The following NRCAM variants were observed in gnomAD, a reference collection of about 807,000 sequenced individuals.
The protein encoded by NRCAM is neuronal cell adhesion molecule.
In NRCAM, 83 loss-of-function variants were observed where a neutral mutation model predicts 156.5. The observed-to-expected ratio is 0.53, with a 90% confidence interval of 0.44 to 0.64. NRCAM has a LOEUF of 0.64. Ranked by LOEUF, NRCAM falls within the 30% of genes least tolerant of loss-of-function variation. NRCAM has a pLI of 0.00. For missense variants in NRCAM, 1,417 were observed against 1,597.3 expected (o/e 0.89, Z 1.92); for synonymous variants, 538 against 563.9 (o/e 0.95, Z 0.65).
intron 1 of NRCAM, among the ~76,000 whole-genome samples, chr7:108,401,435 A>T (rs1459254009): frequency 6.6e-6 from 1 of 151,916 alleles, no homozygotes; most frequent in Non-Finnish European, 1.5e-5. Flanking sequence ...CCGCTACTCC[A>T]GAGGCTGAGG....
intron 17 of NRCAM, 148 bp downstream of exon 17, chr7:108,193,876 T>C: frequency 2.8e-6 from 2 of 713,572 alleles, no homozygotes; most frequent in South Asian, 2.0e-5. Flanking sequence ...TATTTTACAG[T>C]AGGGAGAAAA....
chr7:108,273,281 T>C (rs753478783), intron 3 of NRCAM, among the ~76,000 whole-genome samples: 2 of 152,200 alleles, frequency 1.3e-5, no homozygotes, highest in African/African-American at 4.8e-5. Flanking sequence ...GATGGCTGGG[T>C]CAAATGGTAT....
At chr7:108,454,540 G>C (rs1854257882) in intron 1 of NRCAM, among the ~76,000 whole-genome samples, 1 of 152,192 alleles carries the variant, frequency 6.6e-6, no homozygotes, top group Non-Finnish European at 1.5e-5. Context: ...CTCAAAACCG[G>C]TTGGCTATCG....
intron 32 of NRCAM, among the ~76,000 whole-genome samples, chr7:108,151,420 CT>C (rs928864097): frequency 3.3e-5 from 5 of 150,842 alleles, no homozygotes; most frequent in East Asian, 2.0e-4. Context: ...CAGACAGTGA[CT>C]TTTTTTTTCA....
At chr7:108,406,068 T>C (rs1030928212) in intron 1 of NRCAM, among the ~76,000 whole-genome samples, 3 of 151,762 alleles carry the variant, frequency 2.0e-5, no homozygotes, top group Non-Finnish European at 4.4e-5. Context: ...GCATCAAAGA[T>C]AGGACTATTC....
At chr7:108,229,501 T>C (rs758490329) in intron 8 of NRCAM, among the ~76,000 whole-genome samples, 1 of 152,174 alleles carries the variant, frequency 6.6e-6, no homozygotes. Flanking sequence ...TTTCCTTCAG[T>C]GACTGCTTCT....
intron 3 of NRCAM, among the ~76,000 whole-genome samples, chr7:108,285,005 G>A (rs977831798): frequency 2.0e-5 from 3 of 152,210 alleles, no homozygotes; most frequent in Non-Finnish European, 2.9e-5. Flanking sequence ...AACAACAGAC[G>A]GGTGAGACTT....
At chr7:108,206,142 T>G (rs2081030054) in intron 13 of NRCAM, among the ~76,000 whole-genome samples, 1 of 152,242 alleles carries the variant, frequency 6.6e-6, no homozygotes, top group Non-Finnish European at 1.5e-5. Flanking sequence ...TGACAGCTAC[T>G]GTACTACGAG....
At chr7:108,216,228 T>C (rs113695306) in intron 11 of NRCAM, among the ~76,000 whole-genome samples, 1 of 152,232 alleles carries the variant, frequency 6.6e-6, no homozygotes, top group African/African-American at 2.4e-5. Flanking sequence ...TTAAGAATGT[T>C]GAATATTGGC....
intron 2 of NRCAM, among the ~76,000 whole-genome samples, chr7:108,344,431 C>A (rs1217179915): frequency 6.6e-6 from 1 of 152,054 alleles, no homozygotes; most frequent in Non-Finnish European, 1.5e-5. Flanking sequence ...TGGCTATGCT[C>A]TTCGGGTCCC....
At chr7:108,335,195 T>C (rs965588360) in intron 2 of NRCAM, among the ~76,000 whole-genome samples, 10 of 152,160 alleles carry the variant, frequency 6.6e-5, no homozygotes, top group South Asian at 2.1e-4. Flanking sequence ...AAACCACAGA[T>C]ATTGTCACAT....
intron 2 of NRCAM, among the ~76,000 whole-genome samples, chr7:108,348,768 G>C (rs1487533509): frequency 6.6e-6 from 1 of 151,970 alleles, no homozygotes; most frequent in African/African-American, 2.4e-5. Flanking sequence ...ACAAAAAATA[G>C]CTGGGCCCTG....
intron 27 of NRCAM, 62 bp from the exon 28 acceptor site, chr7:108,175,419 T>C (rs2060104288): frequency 2.2e-6 from 3 of 1,343,008 alleles, no homozygotes; most frequent in East Asian, 2.5e-5. Flanking sequence ...CCCATGAGCA[T>C]GTATAGCGAT....
chr7:108,230,736 TCA>T (rs2094214981), intron 8 of NRCAM, among the ~76,000 whole-genome samples: 1 of 152,044 alleles, frequency 6.6e-6, no homozygotes. Context: ...TTTTTTTTTT[TCA>T]TAGAACTTAT....
rs772013992 is a variant in NRCAM, at chr7:108,207,658, C to T, written c.1077G>A (p.Ala359=). Residue 359 remains alanine, a splice_region_variant and synonymous_variant, in exon 13 of 33, where the codon GCG becomes GCA. Coordinates refer to ENST00000379028, the MANE Select transcript of NRCAM (RefSeq NM_001037132.4). The part of the protein sequence containing the change: ...IHHTISVRVK[A]APYWITAPQN... ...GAGGGGCTGTGATCCAGTATGGAGCCGCTTTATAGGAGGAAGAAAAAAGAC... is the reference window on the plus strand; with the variant it reads ...GAGGGGCTGTGATCCAGTATGGAGCTGCTTTATAGGAGGAAGAAAAAAGAC... 10 of 1,603,170 alleles carry T rather than the reference C, an allele frequency of 6.2e-6. No homozygotes were observed. The highest frequency in any genetic ancestry group is 2.2e-5 in the East Asian group (1 of 44,650).
chr7:108,165,936 T>C (rs1406539279), intron 30 of NRCAM, among the ~76,000 whole-genome samples: 1 of 152,168 alleles, frequency 6.6e-6, no homozygotes, highest in African/African-American at 2.4e-5. Context: ...CACAAACAAC[T>C]CTTGTTGAAA....
intron 1 of NRCAM, among the ~76,000 whole-genome samples, chr7:108,403,967 G>A (rs906682577): frequency 1.3e-5 from 2 of 152,102 alleles, no homozygotes; most frequent in East Asian, 1.9e-4. Flanking sequence ...GTCTCACACC[G>A]AAGGGCTTTT....
chr7:108,332,853 A>G (rs6975557), intron 2 of NRCAM, among the ~76,000 whole-genome samples: 44,796 of 152,054 alleles, frequency 0.29, 7,047 homozygotes, highest in East Asian at 0.56. Flanking sequence ...AATGTATCAG[A>G]CAATTCAAAG....
intron 30 of NRCAM, among the ~76,000 whole-genome samples, chr7:108,163,581 C>T (rs1257305105): frequency 2.0e-5 from 3 of 152,036 alleles, no homozygotes; most frequent in Non-Finnish European, 2.9e-5. Flanking sequence ...TGTTGGGCCT[C>T]GTGAAAACAA....
Sources: allele counts gnomAD v4.1 joint callset (sites outside exome capture counted in the v4.1 genomes callset), GRCh38; gene constraint gnomAD v4.1.1; transcripts MANE v1.5; gene names NCBI Gene and HGNC (gene_info 2026-07-23, HGNC 2026-07-21).